The following SYT9 variants were observed in gnomAD, a reference collection of about 807,000 sequenced individuals.
SYT9 encodes synaptotagmin-9.
SYT9 carries 22 observed loss-of-function variants against 48.4 expected under a neutral mutation model. The observed-to-expected ratio is 0.45, with a 90% CI of 0.32 to 0.65. The LOEUF (loss-of-function observed/expected upper bound fraction) is 0.65. Among genes scored for constraint, SYT9 ranks in the 30% least tolerant of loss-of-function variants. The pLI, the probability that SYT9 is intolerant of heterozygous loss-of-function variation, is 0.03. For missense variants in SYT9, 577 were observed against 622.0 expected, an observed-to-expected ratio of 0.93 and a Z score of 0.77; for synonymous variants, 265 against 245.0, an observed-to-expected ratio of 1.08 and a Z score of -0.76.
At chr11:7,415,356 A>C (rs1049673334) in intron 3 of SYT9, among the ~76,000 whole-genome samples, 1 of 152,156 alleles carries the variant, frequency 6.6e-6, no homozygotes, top group Admixed American at 6.5e-5. Flanking sequence ...TCCAGGGTCC[A>C]GTGGAGCCGT....
chr11:7,353,815 C>A (rs1244871159), intron 3 of SYT9, among the ~76,000 whole-genome samples: 1 of 152,186 alleles, frequency 6.6e-6, no homozygotes, highest in African/African-American at 2.4e-5. Flanking sequence ...CATGCACTGA[C>A]TGCCAGTATA....
intron 3 of SYT9, among the ~76,000 whole-genome samples, chr11:7,401,019 A>G (rs1334940307): frequency 6.6e-6 from 1 of 152,098 alleles, no homozygotes; most frequent in Non-Finnish European, 1.5e-5. Context: ...TTATTTTACT[A>G]TTATTTATTT....
Position 7,416,059 on chromosome 11 carries a change from A to G in SYT9, c.1062A>G (p.Gly354=). 6.2e-7 allele frequency: 1 copy of G among 1,614,178 alleles called. No individual in the cohort carries two copies. Among genetic ancestry groups the G allele is most frequent in the Non-Finnish European group, 8.5e-7 (1 of 1,180,012 alleles). Residue 354 remains glycine (G), a synonymous_variant, in exon 4 of 7, where the codon GGA becomes GGG. Coordinates refer to ENST00000318881, the MANE Select transcript of SYT9 (RefSeq NM_175733.4). ...CTCAACAGGACAACGTGGATCTGGG[A>G]GAGCTGATGTTTTCCCTGTGCTATC... ...EYVTNDNVDL[G]ELMFSLCYLP...
At chr11:7,464,377 G>A (rs1189146887) in intron 6 of SYT9, among the ~76,000 whole-genome samples, 1 of 152,212 alleles carries the variant, frequency 6.6e-6, no homozygotes, top group Non-Finnish European at 1.5e-5. Flanking sequence ...CAGAAATGTA[G>A]ACTGGACCTA....
chr11:7,250,448 G>GCC (rs1360759775), upstream of SYT9, among the ~76,000 whole-genome samples: 15 of 69,348 alleles, frequency 2.2e-4, no homozygotes, highest in Non-Finnish European at 3.0e-4. Context: ...TGTCCCCCCC[G>GCC]CCACCCCCCC....
intron 6 of SYT9, among the ~76,000 whole-genome samples, chr11:7,463,800 C>A (rs1157834187): frequency 6.6e-6 from 1 of 152,176 alleles, no homozygotes; most frequent in Non-Finnish European, 1.5e-5. Context: ...AGGGGGAGAC[C>A]AGTAGGCTGC....
rs1471428594 is a variant in SYT9, at chr11:7,313,970, G to A, written c.1044+29G>A. 3 of 1,588,950 alleles carry A rather than the reference G, an allele frequency of 1.9e-6. No individual in the cohort carries two copies. In the African/African-American group the frequency reaches 4.0e-5, roughly 21 times the overall value. On this transcript the variant is annotated intron_variant, in intron 3 of 6. Coordinates refer to ENST00000318881, the MANE Select transcript of SYT9 (RefSeq NM_175733.4). ...AGTCCAGCATTTCTTCATTTTTGTG[G>A]TGGGGGGCATCTTGGTTAGCAAGGA...
upstream of SYT9, among the ~76,000 whole-genome samples, chr11:7,251,786 G>A (rs1157074379): frequency 6.6e-6 from 1 of 152,100 alleles, no homozygotes; most frequent in African/African-American, 2.4e-5. Context: ...CCAGGAGCCG[G>A]GGAGTACCCC....
chr11:7,461,799 C>T (rs114299704), intron 6 of SYT9, among the ~76,000 whole-genome samples: 160 of 152,356 alleles, frequency 1.1e-3, no homozygotes, highest in African/African-American at 3.7e-3. Context: ...TTTACTTCAT[C>T]AGGTAGAGTA....
chr11:7,261,006 G>A (rs970642865), intron 1 of SYT9, among the ~76,000 whole-genome samples: 2 of 152,020 alleles, frequency 1.3e-5, no homozygotes, highest in Non-Finnish European at 2.9e-5. Context: ...GGCCCAAGAG[G>A]GAATACGCAT....
chr11:7,364,155 A>G (rs1006862679), intron 3 of SYT9, among the ~76,000 whole-genome samples: 9 of 152,190 alleles, frequency 5.9e-5, no homozygotes, highest in African/African-American at 1.7e-4. Context: ...TATTCATCCT[A>G]CTTGATAGGA....
chr11:7,406,859 T>A (rs543162102), intron 3 of SYT9, among the ~76,000 whole-genome samples: 1 of 152,290 alleles, frequency 6.6e-6, no homozygotes, highest in African/African-American at 2.4e-5. Context: ...TAGCATGTTA[T>A]TTTTTGTCTT....
intron 3 of SYT9, among the ~76,000 whole-genome samples, chr11:7,318,470 C>T (rs1208407017): frequency 2.6e-5 from 4 of 152,038 alleles, no homozygotes; most frequent in African/African-American, 9.7e-5. Context: ...CCCACTACCA[C>T]GTCTGGCTAA....
chr11:7,246,262 G>C (rs1291782713), intron 1 of SYT9, among the ~76,000 whole-genome samples: 4 of 152,138 alleles, frequency 2.6e-5, no homozygotes, highest in African/African-American at 9.7e-5. Context: ...ACCCCCATGT[G>C]CTGTAAAAAG....
At chr11:7,456,418 C>T (rs2134154229) in intron 6 of SYT9, among the ~76,000 whole-genome samples, 1 of 152,356 alleles carries the variant, frequency 6.6e-6, no homozygotes, top group Admixed American at 6.5e-5. Context: ...GAGAGGCAAG[C>T]TGCCTGCACA....
At chr11:7,324,894 A>G (rs570517058) in intron 3 of SYT9, among the ~76,000 whole-genome samples, 18 of 152,202 alleles carry the variant, frequency 1.2e-4, no homozygotes, top group Non-Finnish European at 2.2e-4. Flanking sequence ...CCTCAGTCTA[A>G]TATATCAGTT....
intron 6 of SYT9, among the ~76,000 whole-genome samples, chr11:7,430,545 G>A (rs187026938): frequency 9.7e-4 from 148 of 152,160 alleles, no homozygotes; most frequent in Non-Finnish European, 1.3e-3. Flanking sequence ...ACTAAAGAGC[G>A]GTCATAAAAC....
At chr11:7,318,747 A>G (rs1849285298) in intron 3 of SYT9, among the ~76,000 whole-genome samples, 1 of 151,910 alleles carries the variant, frequency 6.6e-6, no homozygotes, top group African/African-American at 2.4e-5. Flanking sequence ...TACTCCTTTA[A>G]TCTGCTATTT....
intron 3 of SYT9, among the ~76,000 whole-genome samples, chr11:7,374,832 A>T (rs935842942): frequency 9.9e-5 from 15 of 152,160 alleles, no homozygotes; most frequent in Non-Finnish European, 2.1e-4. Flanking sequence ...CCTTTGTCAG[A>T]TGGATAGATT....
Sources: gnomAD v4.1 joint callset for allele counts (sites outside exome capture counted in the v4.1 genomes callset) on GRCh38, gnomAD v4.1.1 for gene constraint, MANE v1.5 for transcripts, NCBI Gene and HGNC (gene_info 2026-07-23, HGNC 2026-07-21) for gene names.